The following PCDHGA1 variants were observed in gnomAD, a reference collection of about 807,000 sequenced individuals.
The protein encoded by PCDHGA1 is protocadherin gamma subfamily A, 1.
In PCDHGA1, 32 loss-of-function variants were observed where a neutral mutation model predicts 58.0. The ratio of observed to expected loss-of-function variants is 0.55; its 90% CI spans 0.42 to 0.74. The LOEUF (loss-of-function observed/expected upper bound fraction) is 0.74, where lower values mean the gene tolerates loss of function less well. PCDHGA1 is among the 30% of genes least tolerant of loss of function. The pLI is 0.00. For missense variants in PCDHGA1, 1,205 were observed against 1,182.3 expected (o/e 1.02, Z -0.28); for synonymous variants, 498 against 501.1 (o/e 0.99, Z 0.08).
intron 1 of PCDHGA1, among the ~76,000 whole-genome samples, chr5:141,456,105 G>T (rs2098843517): frequency 6.6e-6 from 1 of 151,978 alleles, no homozygotes; most frequent in Non-Finnish European, 1.5e-5. Context: ...CACCGTGTTA[G>T]CCAGGATGGT....
At chr5:141,398,963 ATTCCT>A in intron 1 of PCDHGA1, 1 of 1,613,976 alleles carries the variant, frequency 6.2e-7, no homozygotes, top group Non-Finnish European at 8.5e-7. Flanking sequence ...GAAATTACTT[ATTCCT>A]TCTACAGAAC....
chr5:141,345,126 GAAA>G, intron 1 of PCDHGA1: 1 of 1,614,002 alleles, frequency 6.2e-7, no homozygotes, highest in Non-Finnish European at 8.5e-7. Context: ...CGTTGGAAGA[GAAA>G]TTGCTCTTAT....
At chr5:141,357,736 T>C (rs1561515678) in intron 1 of PCDHGA1, 6 of 1,323,830 alleles carry the variant, frequency 4.5e-6, no homozygotes, top group Non-Finnish European at 6.1e-6. Context: ...TAATATTTTA[T>C]TGCTTTAAAG....
At chr5:141,364,184 A>G (rs1240883607) in intron 1 of PCDHGA1, 2 of 965,444 alleles carry the variant, frequency 2.1e-6, no homozygotes, top group Non-Finnish European at 1.5e-6. Flanking sequence ...CTCCCTCCAT[A>G]CTAAACACAC....
chr5:141,360,274 G>A, intron 1 of PCDHGA1: 1 of 1,613,924 alleles, frequency 6.2e-7, no homozygotes. Flanking sequence ...AAACTCGGTC[G>A]TAGGAAACCT....
At chr5:141,420,024 C>T (rs2096459407) in intron 1 of PCDHGA1, 1 of 1,614,088 alleles carries the variant, frequency 6.2e-7, no homozygotes, top group Non-Finnish European at 8.5e-7. Context: ...TTCAGCCCTA[C>T]TGCAGGAGAC....
chr5:141,355,233 C>G, intron 1 of PCDHGA1: 1 of 1,612,052 alleles, frequency 6.2e-7, no homozygotes, highest in Non-Finnish European at 8.5e-7. Flanking sequence ...CAGACCACAC[C>G]CGGCTGCTCC....
chr5:141,357,315 G>A (rs983048420), intron 1 of PCDHGA1: 9 of 1,614,088 alleles, frequency 5.6e-6, no homozygotes, highest in Non-Finnish European at 7.6e-6. Context: ...GCGTCTTCCT[G>A]GCTTTTGTCA....
chr5:141,446,138 T>C (rs1254949926), intron 1 of PCDHGA1, among the ~76,000 whole-genome samples: 1 of 152,208 alleles, frequency 6.6e-6, no homozygotes, highest in African/African-American at 2.4e-5. Context: ...GACTTAATAA[T>C]GGAATAGGTG....
intron 1 of PCDHGA1, chr5:141,356,921 G>C (rs767463186): frequency 1.9e-6 from 3 of 1,613,860 alleles, no homozygotes; most frequent in African/African-American, 2.7e-5. Context: ...GGCTCCACTG[G>C]TGTGGAGCTG....
chr5:141,393,071 C>G (rs927273885), intron 1 of PCDHGA1: 1 of 1,613,680 alleles, frequency 6.2e-7, no homozygotes, highest in Non-Finnish European at 8.5e-7. Context: ...GCTTGATCAC[C>G]GCGGGCAGGA....
In PCDHGA1 at chr5:141,378,383, T is replaced by G. The variant is rs559607457; in HGVS notation, c.2421+45278T>G. 8.5e-5 allele frequency: 13 copies of G among 152,064 alleles called. 1 individual carries two copies. The South Asian group carries it at 1.5e-3, about 17-fold the overall frequency. 9.4% of individuals were successfully genotyped at this position (152,064 alleles called of 1,614,324 possible). A position where few individuals can be genotyped will look rare whatever the true frequency, so the allele number is the denominator to read the frequency against. On this transcript the variant is annotated intron_variant, in intron 1 of 3. Transcript: ENST00000517417. Reference sequence around the variant, plus strand: ...ACTAAAAATACAAAAATTAGCCAGGTGGGGTGGCATGGGCCTGTAATCGCA... The same window carrying G: ...ACTAAAAATACAAAAATTAGCCAGGGGGGGTGGCATGGGCCTGTAATCGCA...
intron 1 of PCDHGA1, among the ~76,000 whole-genome samples, chr5:141,465,031 C>T (rs933448980): frequency 1.3e-5 from 2 of 151,958 alleles, no homozygotes; most frequent in Non-Finnish European, 1.5e-5. Context: ...CATGAACCAC[C>T]ACAAATGACC....
intron 1 of PCDHGA1, chr5:141,371,270 C>A: frequency 6.2e-7 from 1 of 1,614,012 alleles, no homozygotes. Context: ...GACAACTGTT[C>A]AAGCTGGACA....
chr5:141,350,097 G>A (rs895665070), intron 1 of PCDHGA1: 15 of 470,386 alleles, frequency 3.2e-5, no homozygotes, highest in Non-Finnish European at 4.6e-5. Context: ...GTCAGGCAGG[G>A]TGCCTTCCTG....
chr5:141,373,481 C>T (rs570555683), intron 1 of PCDHGA1, among the ~76,000 whole-genome samples: 13 of 152,328 alleles, frequency 8.5e-5, no homozygotes, highest in Non-Finnish European at 1.8e-4. Context: ...TATAATTGTG[C>T]CCCTGCACTC....
intron 1 of PCDHGA1, chr5:141,351,652 C>T (rs778580373): frequency 4.3e-6 from 7 of 1,614,054 alleles, no homozygotes; most frequent in Non-Finnish European, 5.9e-6. Flanking sequence ...ACCCACCTGG[C>T]GCCTCCATTG....
intron 1 of PCDHGA1, among the ~76,000 whole-genome samples, chr5:141,457,440 A>G (rs188608086): frequency 3.9e-5 from 6 of 152,334 alleles, no homozygotes; most frequent in Non-Finnish European, 8.8e-5. Flanking sequence ...ACCAAGCTGC[A>G]GAAGATCACC....
At chr5:141,463,412 A>G (rs1397215687) in intron 1 of PCDHGA1, among the ~76,000 whole-genome samples, 9 of 127,856 alleles carry the variant, frequency 7.0e-5, no homozygotes, top group Non-Finnish European at 1.5e-4. Flanking sequence ...TGGAGATCCT[A>G]GTTTGCGGAT....
Sources: allele counts gnomAD v4.1 joint callset (sites outside exome capture counted in the v4.1 genomes callset), GRCh38; gene constraint gnomAD v4.1.1; transcripts MANE v1.5; gene names NCBI Gene and HGNC (gene_info 2026-07-23, HGNC 2026-07-21).